ERMP1: variants seen among roughly 807,000 people sequenced by gnomAD.
ERMP1 encodes endoplasmic reticulum metallopeptidase 1, also known as Felix-ina.
ERMP1 carries 86 observed loss-of-function variants against 92.0 expected under a neutral mutation model. The ratio of observed to expected loss-of-function variants is 0.93; its 90% CI spans 0.79 to 1.12. The LOEUF is 1.12. Ranked by LOEUF, ERMP1 falls within the 50% of genes most tolerant of loss-of-function variation. The probability of loss-of-function intolerance (pLI) is 0.00; values close to 1 mark genes in which losing one functional copy is unlikely to be tolerated. For missense variants in ERMP1, 1,342 were observed against 1,116.3 expected, an observed-to-expected ratio of 1.20 and a Z score of -2.88; for synonymous variants, 530 against 412.8, an observed-to-expected ratio of 1.28 and a Z score of -3.44.
rs1188662634 is a variant in ERMP1, at chr9:5,856,811, C to T, written n.3199+2657G>A. On this transcript the variant is annotated intron_variant and non_coding_transcript_variant, in intron 6 of 6. Coordinates refer to the ERMP1 transcript ENST00000690753. ...CTTTATTTAATATATATTGTTGATT[C>T]ACTAATTTTGAACTCACGCCCAACA... 2.6e-5 allele frequency among the ~76,000 whole-genome samples: 4 copies of T among 152,190 alleles called. No homozygotes were observed. The East Asian group carries it at 5.8e-4, about 22-fold the overall frequency.
Position 5,826,410 on chromosome 9 carries a change from C to T in ERMP1, c.641-1191G>A, listed in dbSNP as rs146286382. Among the ~76,000 whole-genome samples the T allele has an allele frequency of 1.6e-4, 24 of 152,320 alleles. 1 individual carries two copies. In the East Asian group the frequency reaches 4.6e-3, roughly 29 times the overall value. Reference sequence around the variant, plus strand: ...ACTATTTCCTGGTTGAAAGAGCAAGCTAATGATACCTACCTCACAGGTTTA... The same window carrying T: ...ACTATTTCCTGGTTGAAAGAGCAAGTTAATGATACCTACCTCACAGGTTTA... On this transcript the variant is annotated intron_variant, in intron 2 of 14. Transcript: ENST00000339450.
intron 6 of ERMP1, among the ~76,000 whole-genome samples, chr9:5,847,188 A>G (rs1830247216): frequency 1.3e-5 from 2 of 152,244 alleles, no homozygotes. Flanking sequence ...CAATTACTCA[A>G]TGTGTTTTGA....
At chr9:5,860,170 T>C (rs1365859177) in intron 5 of ERMP1, among the ~76,000 whole-genome samples, 1 of 150,618 alleles carries the variant, frequency 6.6e-6, no homozygotes, top group Non-Finnish European at 1.5e-5. Context: ...CCAGGTGTGG[T>C]AGTGCATACC....
At chr9:5,861,729 T>TTG (rs1441264815) in intron 5 of ERMP1, among the ~76,000 whole-genome samples, 1 of 144,860 alleles carries the variant, frequency 6.9e-6, no homozygotes, top group African/African-American at 2.6e-5. Context: ...TTTTTTTTTT[T>TTG]TTTTTTTTTT....
chr9:5,807,668 C>T (rs1382771856), intron 8 of ERMP1, among the ~76,000 whole-genome samples: 1 of 152,044 alleles, frequency 6.6e-6, no homozygotes, highest in Admixed American at 6.6e-5. Context: ...ACAGCTAGAA[C>T]CCAGGAGGCA....
intron 6 of ERMP1, among the ~76,000 whole-genome samples, chr9:5,857,977 T>C (rs1011442354): frequency 2.6e-5 from 4 of 152,210 alleles, no homozygotes; most frequent in African/African-American, 9.7e-5. Flanking sequence ...TATTCCAGAC[T>C]CTTTTTCAGG....
rs545026373 is a variant in ERMP1 at position 5,797,698 on chromosome 9, A to C, written c.2386+119T>G. The C allele has an allele frequency of 5.4e-5, 37 of 690,196 alleles. No homozygotes were observed. The East Asian group carries it at 9.4e-4, about 17-fold the overall frequency. The allele number at this position is 690,196 out of a possible 1,614,324, so 42.8% of individuals were successfully genotyped here. A position where few individuals can be genotyped will look rare whatever the true frequency, so the allele number is the denominator to read the frequency against. On this transcript the variant is annotated intron_variant, in intron 13 of 14. Coordinates refer to ENST00000339450, the MANE Select transcript of ERMP1 (RefSeq NM_024896.3). ...ACCAGCTTCAATTGATTTTAGAAACATCACAGGCTCTTCCTAAGTTGCTGG... is the reference window on the plus strand; with the variant it reads ...ACCAGCTTCAATTGATTTTAGAAACCTCACAGGCTCTTCCTAAGTTGCTGG...
chr9:5,790,192 T>TTC (rs1554619677), intron 13 of ERMP1, among the ~76,000 whole-genome samples: 1 of 144,290 alleles, frequency 6.9e-6, no homozygotes, highest in African/African-American at 2.7e-5. Context: ...TTTTTTTTTT[T>TTC]CCCCTGAGAC....
chr9:5,802,809 C>G (rs570449062), intron 10 of ERMP1, among the ~76,000 whole-genome samples: 3 of 152,274 alleles, frequency 2.0e-5, no homozygotes, highest in South Asian at 4.2e-4. Flanking sequence ...GGAGAAGACT[C>G]AGAAACAGCT....
At chr9:5,844,268 T>C (rs777191015) in intron 6 of ERMP1, among the ~76,000 whole-genome samples, 2 of 152,056 alleles carry the variant, frequency 1.3e-5, no homozygotes, top group Non-Finnish European at 2.9e-5. Flanking sequence ...TTTGTGTTTT[T>C]TTGTTTGTTT....
rs1828502044 is a variant in ERMP1 at position 5,797,898 on chromosome 9, G to C, written c.2305C>G (p.Pro769Ala). 3 of 1,613,626 alleles carry C rather than the reference G, an allele frequency of 1.9e-6. No homozygotes were observed. Among genetic ancestry groups the C allele is most frequent in the East Asian group, 4.5e-5 (2 of 44,846 alleles). Residue 769 changes from proline to alanine, a missense_variant, in exon 13 of 15, where the codon CCA becomes GCA. By Grantham distance (27) the Pro-to-Ala change is conservative. Coordinates refer to ENST00000339450, the MANE Select transcript of ERMP1 (RefSeq NM_024896.3). ...AGTCGGAAATGAGGAGGATTTCTTG[G>C]AGAAACTTCTGGGGCAGGAAGATAC... is the stretch of plus-strand genomic sequence containing the variant. ...NWYLPAPEVS[P>A]RNPPHFRLIS...
At chr9:5,831,659 G>A (rs1402949451) in intron 1 of ERMP1, among the ~76,000 whole-genome samples, 2 of 152,136 alleles carry the variant, frequency 1.3e-5, no homozygotes, top group Admixed American at 6.6e-5. Context: ...TAACTTCACT[G>A]TGCATACTCC....
In ERMP1 at chr9:5,817,635, A is replaced by G. The variant is rs577369763; in HGVS notation, c.875-4600T>C. 2.6e-5 allele frequency among the ~76,000 whole-genome samples: 4 copies of G among 152,344 alleles called. No individual in the cohort carries two copies. In the East Asian group the frequency reaches 7.7e-4, roughly 29 times the overall value. ...ATCATCTAAATCCTATGATGCTTCC[A>G]GCTTCTTGTGTGTTCATTTCTCAAG... On this transcript the variant is annotated intron_variant, in intron 4 of 14. Transcript: ENST00000339450.
At chr9:5,851,349 T>A (rs1400451943) in intron 6 of ERMP1, among the ~76,000 whole-genome samples, 1 of 152,240 alleles carries the variant, frequency 6.6e-6, no homozygotes, top group Non-Finnish European at 1.5e-5. Context: ...AGAAATGTCC[T>A]TTTTTGATTT....
At chr9:5,830,276 G>A (rs2129686725) in intron 2 of ERMP1, among the ~76,000 whole-genome samples, 1 of 152,188 alleles carries the variant, frequency 6.6e-6, no homozygotes, top group East Asian at 1.9e-4. Context: ...GTGGCCCAGG[G>A]CAGCCAAAAG....
intron 4 of ERMP1, among the ~76,000 whole-genome samples, chr9:5,820,415 A>C (rs1303151402): frequency 6.6e-6 from 1 of 152,240 alleles, no homozygotes; most frequent in Non-Finnish European, 1.5e-5. Context: ...AAATTCTAGA[A>C]GAGTATAGAC....
chr9:5,835,362 ATG>A (rs372626830), upstream of ERMP1, among the ~76,000 whole-genome samples: 1 of 117,968 alleles, frequency 8.5e-6, no homozygotes. Context: ...GCGCGCGCGC[ATG>A]TGTGTGTGTG....
intron 8 of ERMP1, 102 bp from the exon 9 acceptor site, chr9:5,805,887 T>C: frequency 1.1e-6 from 1 of 900,572 alleles, no homozygotes; most frequent in Non-Finnish European, 1.6e-6. Context: ...AGCTACATTT[T>C]GTTTTAAACA....
At position 5,802,723 on chromosome 9, in the gene ERMP1, C is replaced by T. The variant is rs967920098; in HGVS notation, c.1915-1395G>A. On this transcript the variant is annotated intron_variant, in intron 10 of 14. Transcript: ENST00000339450. ...ATAGGTGTCCTTAAGTTATTCTCTG[C>T]TGGACCTTCATGGTTATACGTATAC... Among the ~76,000 whole-genome samples the T allele has an allele frequency of 3.0e-4, 45 of 152,208 alleles. 1 individual carries two copies. Among genetic ancestry groups the T allele is most frequent in the Non-Finnish European group, 1.2e-4 (8 of 68,036 alleles).
Sources: allele counts gnomAD v4.1 joint callset (sites outside exome capture counted in the v4.1 genomes callset), GRCh38; gene constraint gnomAD v4.1.1; transcripts MANE v1.5; gene names NCBI Gene and HGNC (gene_info 2026-07-23, HGNC 2026-07-21).